DGKK: variants seen among roughly 807,000 people sequenced by gnomAD.
The protein encoded by DGKK is diacylglycerol kinase kappa.
DGKK carries 35 observed loss-of-function variants against 92.2 expected under a neutral mutation model. The observed-to-expected ratio is 0.38, with a 90% confidence interval of 0.29 to 0.50. DGKK has a LOEUF of 0.50. DGKK is among the 20% of genes least tolerant of loss of function. DGKK has a pLI of 0.92. For synonymous variants in DGKK, 368 were observed against 360.6 expected, an observed-to-expected ratio of 1.02 and a Z score of -0.23; for missense variants, 910 against 992.2, an observed-to-expected ratio of 0.92 and a Z score of 1.11.
chrX:50,393,360 G>T (rs782210526), intron 8 of DGKK, 25 bp from the exon 9 acceptor site: 11 of 1,144,020 alleles, frequency 9.6e-6, no homozygotes, highest in Non-Finnish European at 1.3e-5. Context: ...AGAAAAAGAA[G>T]AAAAAAAAGA....
chrX:50,448,794 C>T (rs1425649367), intron 1 of DGKK, among the ~76,000 whole-genome samples: 2 of 111,255 alleles, frequency 1.8e-5, no homozygotes, highest in Admixed American at 9.6e-5. Flanking sequence ...CTTCTATCTG[C>T]TTTCTGACCT....
intron 25 of DGKK, 105 bp from the exon 26 acceptor site, chrX:50,371,939 G>A: frequency 2.1e-6 from 1 of 483,362 alleles, no homozygotes; most frequent in South Asian, 3.8e-5. Context: ...GAGACCACAA[G>A]GTGCCAACTT....
At chrX:50,403,397 T>A (rs1557226860) in intron 6 of DGKK, 94 bp downstream of exon 6, 1 of 941,904 alleles carries the variant, frequency 1.1e-6, no homozygotes, top group South Asian at 2.1e-5. Flanking sequence ...ACTTTGCTTA[T>A]CTGGAGTTAG....
chrX:50,431,150 T>C (rs985773244), intron 1 of DGKK, among the ~76,000 whole-genome samples: 5 of 110,743 alleles, frequency 4.5e-5, no homozygotes, highest in Non-Finnish European at 7.6e-5. Flanking sequence ...CTTGCTTCAG[T>C]CTCCTGAGTA....
intron 1 of DGKK, among the ~76,000 whole-genome samples, chrX:50,429,836 T>A (rs1333553104): frequency 8.9e-6 from 1 of 112,517 alleles, no homozygotes; most frequent in African/African-American, 3.2e-5. Context: ...CCAGTTTTTT[T>A]AAAGTGACAG....
chrX:50,440,172 C>T (rs782022219), intron 1 of DGKK, among the ~76,000 whole-genome samples: 11 of 111,848 alleles, frequency 9.8e-5, no homozygotes, highest in African/African-American at 2.9e-4. Context: ...TTATGGGAAA[C>T]GTAGTTTCAA....
chrX:50,469,394 C>A (rs1156423777), intron 1 of DGKK, among the ~76,000 whole-genome samples: 11 of 112,947 alleles, frequency 9.7e-5, no homozygotes, highest in Non-Finnish European at 1.9e-4. Flanking sequence ...CATGCTCTCC[C>A]CCTCCTCCCG....
intron 1 of DGKK, among the ~76,000 whole-genome samples, chrX:50,458,684 C>G (rs782364968): frequency 5.4e-5 from 6 of 111,144 alleles, no homozygotes; most frequent in Non-Finnish European, 1.1e-4. Context: ...GATTGCACAA[C>G]ATTAATCAGG....
chrX:50,386,369 T>G lies in DGKK; in HGVS notation c.2336A>C (p.Gln779Pro). 2 of 1,207,018 alleles carry G rather than the reference T, an allele frequency of 1.7e-6. No homozygotes were observed. Among genetic ancestry groups the G allele is most frequent in the Non-Finnish European group, 2.2e-6 (2 of 891,672 alleles). ...LQKSLKLIIFQVEQALDEESR... is the reference protein window; with the variant it reads ...LQKSLKLIIFPVEQALDEESR... The stretch of plus-strand genomic sequence containing the variant: ...CCTGGCCACCTTACCTTGTTCAACT[T>G]GAAATATGATGAGTTTCAAGGATTT... Residue 779 changes from glutamine to proline, a missense_variant, in exon 15 of 28, where the codon CAA (glutamine) becomes CCA (proline). By Grantham distance (76) the Gln-to-Pro change is moderately conservative. Coordinates refer to ENST00000611977, the MANE Select transcript of DGKK (RefSeq NM_001013742.4).
intron 18 of DGKK, 125 bp downstream of exon 18, chrX:50,382,371 A>G (rs1265765303): frequency 7.8e-6 from 4 of 511,509 alleles, no homozygotes; most frequent in Middle Eastern, 4.8e-4. Context: ...CTTGGGGCCA[A>G]TGCATTTTAC....
chrX:50,367,196 C>T lies in DGKK; in HGVS notation c.*1744G>A, dbSNP rs1477496223. On this transcript the variant is annotated 3_prime_UTR_variant, in exon 28 of 28. Transcript: ENST00000611977. ...TTGGACTGAATCAGGTAATTGAGCA[C>T]GCTAAGTTTGTCTGAGAAGTAGGGA... The T allele has an allele frequency of 1.8e-5, 2 of 110,848 alleles. No individual in the cohort carries two copies. The highest frequency in any genetic ancestry group is 3.8e-5 in the Non-Finnish European group (2 of 53,002). 9.1% of individuals were successfully genotyped at this position (110,848 alleles called of 1,213,427 possible).
At chrX:50,401,869 G>T (rs782379802) in intron 7 of DGKK, among the ~76,000 whole-genome samples, 1 of 111,507 alleles carries the variant, frequency 9.0e-6, no homozygotes, top group East Asian at 2.8e-4. Flanking sequence ...CTAGATCAGG[G>T]TCTCTCAACT....
chrX:50,380,151 A>G, intron 18 of DGKK, 74 bp from the exon 19 acceptor site: 1 of 883,661 alleles, frequency 1.1e-6, no homozygotes, highest in Non-Finnish European at 1.7e-6. Flanking sequence ...GACAGGAAGG[A>G]AAACCATCTT....
intron 1 of DGKK, among the ~76,000 whole-genome samples, chrX:50,457,652 TAC>T (rs1426092952): frequency 2.7e-5 from 3 of 112,002 alleles, no homozygotes; most frequent in African/African-American, 9.7e-5. Context: ...GTGCTTCATG[TAC>T]AGTTTATAGT....
chrX:50,434,439 A>G (rs1925965926), intron 1 of DGKK, among the ~76,000 whole-genome samples: 1 of 111,134 alleles, frequency 9.0e-6, no homozygotes, highest in Admixed American at 9.5e-5. Context: ...GATCTTTTTT[A>G]CTTTACTGTC....
chrX:50,432,689 A>G (rs1246217079), intron 1 of DGKK, among the ~76,000 whole-genome samples: 7 of 112,742 alleles, frequency 6.2e-5, no homozygotes, highest in African/African-American at 1.6e-4. Context: ...GTCTGAGTAC[A>G]TTGATAAAAT....
In DGKK at chrX:50,378,093, C is replaced by T; in HGVS notation, c.3111+5G>A. 1 of 1,207,076 alleles carries T rather than the reference C, an allele frequency of 8.3e-7. No individual in the cohort carries two copies. The highest frequency in any genetic ancestry group is 1.1e-6 in the Non-Finnish European group (1 of 893,562). On this transcript the variant is annotated splice_donor_5th_base_variant and intron_variant, in intron 22 of 27. Coordinates refer to ENST00000611977, the MANE Select transcript of DGKK (RefSeq NM_001013742.4). Reference sequence around the variant, plus strand: ...AGGAGCCCAAGACAAGATTTTCCCCCTTACCCGATCTCTTGTCAGCATCTG... The same window carrying T: ...AGGAGCCCAAGACAAGATTTTCCCCTTTACCCGATCTCTTGTCAGCATCTG...
At chrX:50,430,598 T>C (rs932943619) in intron 1 of DGKK, among the ~76,000 whole-genome samples, 3 of 111,711 alleles carry the variant, frequency 2.7e-5, no homozygotes, top group East Asian at 5.6e-4. Flanking sequence ...ATTCAGGTCC[T>C]GTGTACAGTG....
rs782488030 is a variant in DGKK at position 50,368,890 on chromosome X, GT to G, written c.*49del. 2.7e-6 allele frequency: 3 copies of G among 1,100,871 alleles called. No individual in the cohort carries two copies. Among genetic ancestry groups the G allele is most frequent in the African/African-American group, 1.8e-5 (1 of 55,278 alleles). 90.7% of individuals were successfully genotyped at this position (1,100,871 alleles called of 1,213,427 possible). A position where few individuals can be genotyped will look rare whatever the true frequency, so the allele number is the denominator to read the frequency against. ...TCTAGCCTGTATTGAGGTTTTGAGA[GT>G]TTTTTTAGTAGAATTCTCAATGTTG... On this transcript the variant is annotated 3_prime_UTR_variant, in exon 28 of 28. Transcript: ENST00000611977.
Sources: allele counts gnomAD v4.1 joint callset (sites outside exome capture counted in the v4.1 genomes callset), GRCh38; gene constraint gnomAD v4.1.1; transcripts MANE v1.5; gene names NCBI Gene and HGNC (gene_info 2026-07-23, HGNC 2026-07-21).